The following MAPKAP1 variants were observed in gnomAD, a reference collection of about 807,000 sequenced individuals.
The protein encoded by MAPKAP1 is target of rapamycin complex 2 subunit MAPKAP1.
A neutral mutation model predicts 65.7 loss-of-function variants in MAPKAP1; 20 were observed. That is an observed-to-expected ratio of 0.30 (90% CI 0.21 to 0.44). MAPKAP1 has a LOEUF of 0.44. MAPKAP1 is among the 20% of genes least tolerant of loss of function. The pLI, the probability that MAPKAP1 is intolerant of heterozygous loss-of-function variation, is 1.00. For missense variants in MAPKAP1, 423 were observed against 648.0 expected (o/e 0.65, Z 3.77); for synonymous variants, 222 against 244.3 (o/e 0.91, Z 0.85).
At position 125,439,030 on chromosome 9, in the gene MAPKAP1, C is replaced by T; in HGVS notation, c.1444-18G>A. On this transcript the variant is annotated intron_variant, in intron 11 of 11. Transcript: ENST00000265960. The surrounding 1 kb of genome is among the most constrained non-coding windows in gnomAD (Gnocchi z 4.0). ...TAGTTAACCTAGAAACAAGAGCACA[C>T]AGCCCGGTCACCTTGCCAGCCGCTC... 1 of 1,611,280 alleles carries T rather than the reference C, an allele frequency of 6.2e-7. No individual in the cohort carries two copies. The highest frequency in any genetic ancestry group is 1.7e-5 in the Admixed American group (1 of 59,920).
At chr9:125,687,315 C>T (rs922504608) in intron 1 of MAPKAP1, among the ~76,000 whole-genome samples, 1 of 152,082 alleles carries the variant, frequency 6.6e-6, no homozygotes, top group Non-Finnish European at 1.5e-5. Context: ...GTTGCTGTCA[C>T]AGGCTATGGA....
intron 1 of MAPKAP1, among the ~76,000 whole-genome samples, chr9:125,696,780 G>C (rs1835400006): frequency 6.6e-6 from 1 of 152,028 alleles, no homozygotes; most frequent in Non-Finnish European, 1.5e-5. Context: ...TCCCTCAATG[G>C]AGCCCCAGAA....
At chr9:125,624,019 C>G (rs1833003916) in intron 4 of MAPKAP1, among the ~76,000 whole-genome samples, 1 of 39,852 alleles carries the variant, frequency 2.5e-5, no homozygotes, top group African/African-American at 5.8e-5. Flanking sequence ...GCCGCCCCGT[C>G]TGGGAGGGAG....
Position 125,612,776 on chromosome 9 carries a change from T to C in MAPKAP1, c.499-27049A>G, listed in dbSNP as rs541614066. 1.6e-4 allele frequency among the ~76,000 whole-genome samples: 24 copies of C among 152,298 alleles called. No individual in the cohort carries two copies. In the South Asian group the frequency reaches 4.8e-3, roughly 30 times the overall value. ...CTATGGCTGCAGCCCAGGTTCCTCA[T>C]GCCAAGGGACATCAGGCAAGAAGGA... On this transcript the variant is annotated intron_variant, in intron 4 of 11. Coordinates refer to ENST00000265960, the MANE Select transcript of MAPKAP1 (RefSeq NM_001006617.3).
chr9:125,575,752 G>A (rs1831375447), intron 5 of MAPKAP1, among the ~76,000 whole-genome samples: 2 of 152,134 alleles, frequency 1.3e-5, no homozygotes, highest in Non-Finnish European at 2.9e-5. Flanking sequence ...CTCACTGGTG[G>A]GAATGCCAAA....
At chr9:125,701,426 G>A (rs1311339874) in intron 1 of MAPKAP1, among the ~76,000 whole-genome samples, 1 of 152,174 alleles carries the variant, frequency 6.6e-6, no homozygotes, top group South Asian at 2.1e-4. Context: ...TAAGTGACGT[G>A]ACCAAACTCC....
chr9:125,679,753 G>A (rs1185211630), intron 1 of MAPKAP1, among the ~76,000 whole-genome samples: 1 of 152,068 alleles, frequency 6.6e-6, no homozygotes, highest in African/African-American at 2.4e-5. Flanking sequence ...GCAACAATAC[G>A]ACTTACAATG....
chr9:125,591,315 T>C (rs897199883), intron 4 of MAPKAP1, among the ~76,000 whole-genome samples: 4 of 152,206 alleles, frequency 2.6e-5, no homozygotes, highest in African/African-American at 9.7e-5. Flanking sequence ...AGGAAAGCTT[T>C]GCCTGAGGAG....
At chr9:125,659,541 C>T (rs1202652797) in intron 3 of MAPKAP1, among the ~76,000 whole-genome samples, 6 of 152,062 alleles carry the variant, frequency 3.9e-5, no homozygotes, top group Non-Finnish European at 7.4e-5. Flanking sequence ...CTCCTACTAG[C>T]GAGGATGAAC....
Position 125,564,443 on chromosome 9 carries a change from A to G in MAPKAP1, c.672-4634T>C, listed in dbSNP as rs543619665. ...ATAACTTTTATTTTCCTTTCTTTAT[A>G]AAAGATTTATTTTTGATGAGGGTAG... On this transcript the variant is annotated intron_variant, in intron 5 of 11. Transcript: ENST00000265960. Among the ~76,000 whole-genome samples, 8 of 152,288 alleles carry G rather than the reference A, an allele frequency of 5.3e-5. No homozygotes were observed. The South Asian group carries it at 1.7e-3, about 32-fold the overall frequency.
chr9:125,473,466 A>G (rs1240518500), intron 9 of MAPKAP1, among the ~76,000 whole-genome samples: 1 of 152,234 alleles, frequency 6.6e-6, no homozygotes, highest in African/African-American at 2.4e-5. Context: ...CAAAGGCAGA[A>G]AACATTGCCT....
rs147189911 is a variant in MAPKAP1, at chr9:125,533,235, C to T, written c.958+9824G>A. 2.0e-3 allele frequency among the ~76,000 whole-genome samples: 304 copies of T among 152,082 alleles called. 3 individuals are homozygous for T. Among genetic ancestry groups the T allele is most frequent in the Admixed American group, 0.014 (218 of 15,266 alleles). ...TTCCCATTAAAATAGTCGTGACTGA[C>T]CAAAGAACTATCTTTTAGAAAGATA... is the stretch of plus-strand genomic sequence containing the variant. On this transcript the variant is annotated intron_variant, in intron 7 of 11. Transcript: ENST00000265960.
chr9:125,518,826 T>C lies in MAPKAP1; in HGVS notation c.959-12409A>G, dbSNP rs537010366. On this transcript the variant is annotated intron_variant, in intron 7 of 11. Transcript: ENST00000265960. ...AACATAGGTGCACTGATATGTGGAT[T>C]TGTGAAACACACAGCACAATCTGGA... is the stretch of plus-strand genomic sequence containing the variant. Among the ~76,000 whole-genome samples the C allele has an allele frequency of 6.4e-4, 97 of 152,328 alleles. 1 individual carries two copies. In the South Asian group the frequency reaches 0.018, roughly 29 times the overall value.
chr9:125,454,924 G>A (rs530217048), intron 10 of MAPKAP1, among the ~76,000 whole-genome samples: 1 of 152,208 alleles, frequency 6.6e-6, no homozygotes, highest in Non-Finnish European at 1.5e-5. Flanking sequence ...AGTGGCTCAT[G>A]CCTGTAATCC....
rs143761014 is a variant in MAPKAP1, at chr9:125,524,945, T to C, written c.958+18114A>G. On this transcript the variant is annotated intron_variant, in intron 7 of 11. Transcript: ENST00000265960. ...TCATTCCTACACGTGCACTCCTATG[T>C]TCTTGCTGATGCTCTGCTGCTCTGA... Among the ~76,000 whole-genome samples the C allele has an allele frequency of 7.6e-3, 1,163 of 152,334 alleles. 3 individuals are homozygous for C. The highest frequency in any genetic ancestry group is 0.011 in the Non-Finnish European group (768 of 68,028).
chr9:125,634,054 TA>T (rs1833358525), intron 4 of MAPKAP1, among the ~76,000 whole-genome samples: 1 of 152,236 alleles, frequency 6.6e-6, no homozygotes, highest in Non-Finnish European at 1.5e-5. Context: ...TCTGACAGTT[TA>T]AAATGCTGGG....
At chr9:125,577,583 C>T in intron 5 of MAPKAP1, among the ~76,000 whole-genome samples, 1 of 117,820 alleles carries the variant, frequency 8.5e-6, no homozygotes, top group Non-Finnish European at 1.9e-5. Context: ...GCCCCCCGCC[C>T]TGCCAGCCGC....
chr9:125,570,882 G>A (rs1831208682), intron 5 of MAPKAP1, among the ~76,000 whole-genome samples: 1 of 151,360 alleles, frequency 6.6e-6, no homozygotes, highest in African/African-American at 2.4e-5. Flanking sequence ...TAGAATAAAA[G>A]CACAACAGGT....
chr9:125,534,122 T>A (rs1308776950), intron 7 of MAPKAP1, among the ~76,000 whole-genome samples: 2 of 152,228 alleles, frequency 1.3e-5, no homozygotes, highest in African/African-American at 2.4e-5. Flanking sequence ...GAGTATACTA[T>A]TTGACAGGTA....
Sources: allele counts gnomAD v4.1 joint callset (sites outside exome capture counted in the v4.1 genomes callset), GRCh38; gene constraint gnomAD v4.1.1; non-coding constraint Gnocchi (gnomAD v3.1); transcripts MANE v1.5; gene names NCBI Gene and HGNC (gene_info 2026-07-23, HGNC 2026-07-21).